HDAC9: variants seen among roughly 807,000 people sequenced by gnomAD.
The protein encoded by HDAC9 is histone deacetylase 9.
In HDAC9, 41 loss-of-function variants were observed where a neutral mutation model predicts 139.4. That is an observed-to-expected ratio of 0.29 (90% CI 0.23 to 0.38). HDAC9 has a LOEUF of 0.38. Among genes scored for constraint, HDAC9 ranks in the 10% least tolerant of loss-of-function variants. HDAC9 has a pLI of 1.00. For synonymous variants in HDAC9, 517 were observed against 476.2 expected, an observed-to-expected ratio of 1.09 and a Z score of -1.12; for missense variants, 1,147 against 1,297.0, an observed-to-expected ratio of 0.88 and a Z score of 1.78.
At chr7:18,957,629 CTG>C (rs1415874969) in intron 24 of HDAC9, among the ~76,000 whole-genome samples, 30 of 152,214 alleles carry the variant, frequency 2.0e-4, no homozygotes, top group Non-Finnish European at 3.8e-4. Context: ...TTAATAATTT[CTG>C]GAGGGTAACA....
At chr7:18,904,685 C>T (rs973438918) in intron 22 of HDAC9, among the ~76,000 whole-genome samples, 17 of 149,762 alleles carry the variant, frequency 1.1e-4, no homozygotes, top group Non-Finnish European at 8.9e-5. Flanking sequence ...ACGCCATTCT[C>T]CTGCCTCAGC....
upstream of HDAC9, among the ~76,000 whole-genome samples, chr7:18,285,462 T>C (rs1797374079): frequency 6.6e-6 from 1 of 151,954 alleles, no homozygotes; most frequent in Admixed American, 6.6e-5. Flanking sequence ...ACATCCTTGA[T>C]TTTTTTTCTT....
At chr7:18,870,542 C>G (rs1032414475) in intron 21 of HDAC9, among the ~76,000 whole-genome samples, 9 of 152,058 alleles carry the variant, frequency 5.9e-5, no homozygotes, top group Admixed American at 5.9e-4. Flanking sequence ...CAGGTAGTGT[C>G]TGAAGTTTTC....
At chr7:18,330,782 G>C (rs1209614295) in intron 1 of HDAC9, among the ~76,000 whole-genome samples, 9 of 151,806 alleles carry the variant, frequency 5.9e-5, no homozygotes, top group Middle Eastern at 3.4e-3. Flanking sequence ...AACACTGGCA[G>C]GTGCCTTGGT....
At chr7:18,786,627 C>CAT (rs1791806929) in intron 16 of HDAC9, among the ~76,000 whole-genome samples, 1 of 66,696 alleles carries the variant, frequency 1.5e-5, no homozygotes, top group African/African-American at 7.5e-5. Context: ...CCCTCCCTCC[C>CAT]TCCTTCCTTC....
At chr7:18,260,311 G>GTTT (rs1356981975) in intron 2 of HDAC9, among the ~76,000 whole-genome samples, 94 of 55,028 alleles carry the variant, frequency 1.7e-3, no homozygotes, top group African/African-American at 3.6e-3. Flanking sequence ...ACTTTTTTTT[G>GTTT]TTTTTTTTTT....
intron 22 of HDAC9, among the ~76,000 whole-genome samples, chr7:18,903,252 A>G (rs548840056): frequency 6.6e-6 from 1 of 152,220 alleles, no homozygotes; most frequent in Non-Finnish European, 1.5e-5. Context: ...ACATGACTTT[A>G]GGCAAGTTGT....
intron 1 of HDAC9, among the ~76,000 whole-genome samples, chr7:18,439,255 T>C (rs1791517253): frequency 6.6e-6 from 1 of 152,252 alleles, no homozygotes; most frequent in Non-Finnish European, 1.5e-5. Flanking sequence ...AGTGTTTCCC[T>C]ATTCTGCTTT....
intron 1 of HDAC9, among the ~76,000 whole-genome samples, chr7:18,390,786 G>T (rs1055330516): frequency 6.6e-6 from 1 of 152,196 alleles, no homozygotes; most frequent in Middle Eastern, 3.2e-3. Flanking sequence ...TTCTAAGGAA[G>T]ATTAGAAAAC....
chr7:18,569,063 T>TAAAATA (rs150556087), intron 2 of HDAC9, among the ~76,000 whole-genome samples: 19,746 of 151,174 alleles, frequency 0.13, 1,390 homozygotes, highest in South Asian at 0.2. Flanking sequence ...AATAAATAAA[T>TAAAATA]AAATAAAATA....
intron 22 of HDAC9, among the ~76,000 whole-genome samples, chr7:18,888,921 T>C (rs1200471089): frequency 6.6e-6 from 1 of 152,180 alleles, no homozygotes; most frequent in African/African-American, 2.4e-5. Context: ...TTCCATGCTG[T>C]TTTCCTCTTT....
chr7:18,490,223 G>A (rs1233162978), intron 1 of HDAC9, among the ~76,000 whole-genome samples: 1 of 151,880 alleles, frequency 6.6e-6, no homozygotes, highest in East Asian at 1.9e-4. Context: ...TTACTTGGAG[G>A]GCTGATTAAA....
At chr7:18,626,141 C>T (rs801510) in intron 6 of HDAC9, among the ~76,000 whole-genome samples, 100,676 of 151,524 alleles carry the variant, frequency 0.66, 33,699 homozygotes, top group East Asian at 0.78. Context: ...AGGTCATTCC[C>T]ACAAAGAAGA....
At chr7:18,544,220 T>C (rs1263937866) in intron 2 of HDAC9, among the ~76,000 whole-genome samples, 1 of 152,118 alleles carries the variant, frequency 6.6e-6, no homozygotes, top group African/African-American at 2.4e-5. Flanking sequence ...GTTATCAGAT[T>C]TGAAGGATAT....
At chr7:18,346,812 G>T (rs1443025829) in intron 1 of HDAC9, among the ~76,000 whole-genome samples, 1 of 152,088 alleles carries the variant, frequency 6.6e-6, no homozygotes, top group Non-Finnish European at 1.5e-5. Context: ...AGCAACAGGA[G>T]AAAATTTCCC....
intron 2 of HDAC9, among the ~76,000 whole-genome samples, chr7:18,522,617 C>CAA (rs545270372): frequency 2.3e-5 from 3 of 130,394 alleles, no homozygotes; most frequent in African/African-American, 5.6e-5. Context: ...AAACAAAAAA[C>CAA]AAAAAAAAAA....
At chr7:18,268,955 C>T (rs1796172412) in intron 2 of HDAC9, among the ~76,000 whole-genome samples, 2 of 152,162 alleles carry the variant, frequency 1.3e-5, no homozygotes, top group Non-Finnish European at 2.9e-5. Flanking sequence ...AAATGGAAGA[C>T]TAAAGTAATG....
At chr7:18,663,140 T>G (rs537675386) in intron 11 of HDAC9, among the ~76,000 whole-genome samples, 18 of 152,156 alleles carry the variant, frequency 1.2e-4, no homozygotes, top group African/African-American at 4.1e-4. Context: ...GTCAGACTAT[T>G]CTGAGAAAGA....
intron 1 of HDAC9, among the ~76,000 whole-genome samples, chr7:18,130,936 C>T (rs1784962182): frequency 6.6e-6 from 1 of 152,048 alleles, no homozygotes; most frequent in South Asian, 2.1e-4. Context: ...CGAAGAGTTT[C>T]CATATTGCTA....
Sources: allele counts gnomAD v4.1 joint callset (sites outside exome capture counted in the v4.1 genomes callset), GRCh38; gene constraint gnomAD v4.1.1; transcripts MANE v1.5; gene names NCBI Gene and HGNC (gene_info 2026-07-23, HGNC 2026-07-21).